GFOD1: variants seen among roughly 807,000 people sequenced by gnomAD.
The protein encoded by GFOD1 is glucose-fructose oxidoreductase domain-containing protein 1.
In GFOD1, 9 loss-of-function variants were observed where a neutral mutation model predicts 25.4. That is an observed-to-expected ratio of 0.35 (90% CI 0.21 to 0.62). The LOEUF (loss-of-function observed/expected upper bound fraction) is 0.62, where lower values mean the gene tolerates loss of function less well. GFOD1 is among the 20% of genes least tolerant of loss of function. The pLI is 0.72. For missense variants in GFOD1, 403 were observed against 556.9 expected (o/e 0.72, Z 2.78); for synonymous variants, 253 against 245.6 (o/e 1.03, Z -0.28).
chr6:13,365,067 C>T lies in GFOD1; in HGVS notation c.849G>A (p.Thr283=), dbSNP rs1349299790. 1.2e-6 allele frequency: 2 copies of T among 1,611,360 alleles called. No homozygotes were observed. Among genetic ancestry groups the T allele is most frequent in the Admixed American group, 1.7e-5 (1 of 60,030 alleles). Residue 283 remains threonine (T), a synonymous_variant, in exon 2 of 2, where the codon ACG becomes ACA. Transcript: ENST00000379287. The surrounding 1 kb of genome is among the most constrained non-coding windows in gnomAD (Gnocchi z 9.2). The part of the protein sequence containing the change: ...PEQELLVQDA[T]PVSNSLLPEK... ...CCGGAAGCAGGGAGTTGCTCACCGG[C>T]GTGGCGTCCTGCACCAGCAGCTCCT...
intron 1 of GFOD1, among the ~76,000 whole-genome samples, chr6:13,382,041 G>A (rs1159124560): frequency 1.3e-5 from 2 of 151,972 alleles, no homozygotes; most frequent in African/African-American, 2.4e-5. Context: ...AAAACCTGAA[G>A]AGGTTATTGT....
intron 1 of GFOD1, among the ~76,000 whole-genome samples, chr6:13,454,878 A>T (rs1490073690): frequency 6.6e-6 from 1 of 152,152 alleles, no homozygotes; most frequent in Non-Finnish European, 1.5e-5. Flanking sequence ...AGTTTCGTAG[A>T]GGGAGGGGAG....
chr6:13,395,271 G>A (rs1024628142), intron 1 of GFOD1, among the ~76,000 whole-genome samples: 5 of 152,194 alleles, frequency 3.3e-5, no homozygotes, highest in Non-Finnish European at 7.3e-5. Context: ...GGTTTCAGGA[G>A]GGAGGGACAG....
At position 13,409,284 on chromosome 6, in the gene GFOD1, G is replaced by C. The variant is rs540762578; in HGVS notation, c.254-43622C>G. 2.8e-3 allele frequency among the ~76,000 whole-genome samples: 263 copies of C among 93,942 alleles called. 6 individuals carry two copies. Among genetic ancestry groups the C allele is most frequent in the Middle Eastern group, 0.017 (4 of 230 alleles). The allele number at this position is 93,942 out of a possible 152,430, so 61.6% of individuals were successfully genotyped here. ...AGAGAGAGGGAAAGATAGAGAGACA[G>C]AGAGGAAGGAAGGAAGAAAGGAAGG... On this transcript the variant is annotated intron_variant, in intron 1 of 1. Coordinates refer to ENST00000379287, the MANE Select transcript of GFOD1 (RefSeq NM_018988.4).
At chr6:13,434,867 G>A (rs1757809625) in intron 1 of GFOD1, among the ~76,000 whole-genome samples, 1 of 152,190 alleles carries the variant, frequency 6.6e-6, no homozygotes, top group African/African-American at 2.4e-5. Flanking sequence ...AAAATCAGAG[G>A]CCTAGAGAAT....
At chr6:13,403,354 G>A (rs565852521) in intron 1 of GFOD1, among the ~76,000 whole-genome samples, 38 of 152,254 alleles carry the variant, frequency 2.5e-4, no homozygotes, top group Middle Eastern at 3.4e-3. Flanking sequence ...TCAAACTCCT[G>A]ACCTCAGGTG....
At chr6:13,384,725 C>T (rs78737991) in intron 1 of GFOD1, among the ~76,000 whole-genome samples, 3,899 of 152,258 alleles carry the variant, frequency 0.026, 69 homozygotes, top group African/African-American at 0.044. Flanking sequence ...GGCAGAGATG[C>T]GCACAGTGCC....
At chr6:13,380,520 C>T (rs1467153743) in intron 1 of GFOD1, among the ~76,000 whole-genome samples, 1 of 152,080 alleles carries the variant, frequency 6.6e-6, no homozygotes, top group Non-Finnish European at 1.5e-5. Flanking sequence ...AGCAGCTTAG[C>T]GAATGTCAAG....
At chr6:13,392,394 T>C (rs1444956998) in intron 1 of GFOD1, among the ~76,000 whole-genome samples, 1 of 150,354 alleles carries the variant, frequency 6.7e-6, no homozygotes, top group Non-Finnish European at 1.5e-5. Flanking sequence ...CTGTTTCCTC[T>C]GGTCAGTGTG....
At chr6:13,416,049 G>A (rs1301493030) in intron 1 of GFOD1, among the ~76,000 whole-genome samples, 4 of 152,184 alleles carry the variant, frequency 2.6e-5, no homozygotes, top group Non-Finnish European at 4.4e-5. Context: ...GATAAAGGGG[G>A]TGGTTTCCCC....
chr6:13,464,653 A>G (rs1758349027), intron 1 of GFOD1, among the ~76,000 whole-genome samples: 1 of 152,228 alleles, frequency 6.6e-6, no homozygotes, highest in African/African-American at 2.4e-5. Flanking sequence ...AGTAGATACT[A>G]AGTAAAGCAG....
chr6:13,437,943 G>C (rs1027625550), intron 1 of GFOD1, among the ~76,000 whole-genome samples: 1 of 151,876 alleles, frequency 6.6e-6, no homozygotes, highest in Admixed American at 6.6e-5. Context: ...GGGTAAAGGA[G>C]GAAGGAAGAA....
At chr6:13,374,624 T>C (rs548303806) in intron 1 of GFOD1, among the ~76,000 whole-genome samples, 10 of 151,732 alleles carry the variant, frequency 6.6e-5, no homozygotes, top group Non-Finnish European at 1.3e-4. Context: ...GTTTTTTTAA[T>C]TGACACGTAA....
chr6:13,411,826 G>C (rs6904847), intron 1 of GFOD1, among the ~76,000 whole-genome samples: 4,921 of 152,282 alleles, frequency 0.032, 282 homozygotes, highest in African/African-American at 0.11. Context: ...CATTTCCAGT[G>C]AGAAGCCCAA....
intron 1 of GFOD1, among the ~76,000 whole-genome samples, chr6:13,372,850 CT>C (rs1785177809): frequency 6.6e-6 from 1 of 152,192 alleles, no homozygotes. Context: ...CCACGAGTTC[CT>C]CCCCATCATT....
intron 1 of GFOD1, among the ~76,000 whole-genome samples, chr6:13,369,245 G>A (rs1647262803): frequency 6.6e-6 from 1 of 152,242 alleles, no homozygotes; most frequent in Admixed American, 6.5e-5. Context: ...ATGCTTTACA[G>A]ATGGGTCTCG....
At chr6:13,428,716 G>C (rs1757693420) in intron 1 of GFOD1, among the ~76,000 whole-genome samples, 1 of 152,168 alleles carries the variant, frequency 6.6e-6, no homozygotes, top group African/African-American at 2.4e-5. Context: ...GCGGGCGGCA[G>C]GAGTACTGCT....
At chr6:13,433,333 G>T (rs572808260) in intron 1 of GFOD1, among the ~76,000 whole-genome samples, 117 of 152,238 alleles carry the variant, frequency 7.7e-4, no homozygotes, top group African/African-American at 2.6e-3. Flanking sequence ...TGGTCAAGCT[G>T]GTCTCAAACT....
At chr6:13,415,715 G>A (rs928823544) in intron 1 of GFOD1, among the ~76,000 whole-genome samples, 4 of 152,198 alleles carry the variant, frequency 2.6e-5, no homozygotes, top group Non-Finnish European at 4.4e-5. Flanking sequence ...AGATGGATAC[G>A]TAGAAATGGT....
Sources: gnomAD v4.1 joint callset for allele counts (sites outside exome capture counted in the v4.1 genomes callset) on GRCh38, gnomAD v4.1.1 for gene constraint, Gnocchi (gnomAD v3.1) non-coding constraint, MANE v1.5 for transcripts, NCBI Gene and HGNC (gene_info 2026-07-23, HGNC 2026-07-21) for gene names.